The following PDZRN3 variants were observed in gnomAD, a reference collection of about 807,000 sequenced individuals.
The protein encoded by PDZRN3 is E3 ubiquitin-protein ligase PDZRN3.
Under a neutral mutation model 85.7 loss-of-function variants are expected in PDZRN3, and 38 were observed. The observed-to-expected ratio is 0.44, with a 90% confidence interval of 0.34 to 0.58. The LOEUF (loss-of-function observed/expected upper bound fraction) is 0.58, where lower values mean the gene tolerates loss of function less well. Among genes scored for constraint, PDZRN3 ranks in the 20% least tolerant of loss-of-function variants. PDZRN3 has a pLI of 0.01. For missense variants in PDZRN3, 1,629 were observed against 1,506.4 expected (o/e 1.08, Z -1.35); for synonymous variants, 759 against 638.0 (o/e 1.19, Z -2.86).
intron 3 of PDZRN3, among the ~76,000 whole-genome samples, chr3:73,424,433 C>T (rs984311635): frequency 7.0e-6 from 1 of 143,682 alleles, no homozygotes; most frequent in South Asian, 2.2e-4. Flanking sequence ...CCCAGCTACT[C>T]GGAAGGCTGA....
intron 3 of PDZRN3, among the ~76,000 whole-genome samples, chr3:73,549,080 C>A (rs1701493125): frequency 6.6e-6 from 1 of 152,236 alleles, no homozygotes; most frequent in Admixed American, 6.5e-5. Context: ...CTGAACACAA[C>A]TACAATCACT....
intron 3 of PDZRN3, among the ~76,000 whole-genome samples, chr3:73,453,408 AAAAAAAAAAAAAAAAC>A (rs1702909274): frequency 9.1e-6 from 1 of 109,474 alleles, no homozygotes; most frequent in Admixed American, 9.3e-5. Flanking sequence ...TCGTCTCAAA[AAAAAAAAAAAAAAAAC>A]AAAAAAAAAA....
intron 3 of PDZRN3, among the ~76,000 whole-genome samples, chr3:73,511,100 G>A (rs986037298): frequency 6.6e-6 from 1 of 152,142 alleles, no homozygotes; most frequent in Non-Finnish European, 1.5e-5. Flanking sequence ...GCGGCAAAAT[G>A]TTACCAGTGG....
At chr3:73,432,170 G>C (rs1336384032) in intron 3 of PDZRN3, among the ~76,000 whole-genome samples, 1 of 152,136 alleles carries the variant, frequency 6.6e-6, no homozygotes, top group Non-Finnish European at 1.5e-5. Context: ...CTTGTTTCCT[G>C]CCTGCGTGCT....
intron 3 of PDZRN3, among the ~76,000 whole-genome samples, chr3:73,412,793 T>G (rs1279758695): frequency 6.6e-6 from 1 of 152,260 alleles, no homozygotes. Context: ...GCATACCAAG[T>G]GCTCAGTGAA....
At chr3:73,539,548 C>T (rs1704866173) in intron 3 of PDZRN3, among the ~76,000 whole-genome samples, 1 of 152,084 alleles carries the variant, frequency 6.6e-6, no homozygotes, top group Non-Finnish European at 1.5e-5. Flanking sequence ...TTCTGATGCT[C>T]TGAGGCTGCT....
At chr3:73,417,368 T>C (rs191407861) in intron 3 of PDZRN3, among the ~76,000 whole-genome samples, 96 of 152,256 alleles carry the variant, frequency 6.3e-4, no homozygotes, top group African/African-American at 2.1e-3. Flanking sequence ...TTTCTTAGAG[T>C]GAGGAGCAGT....
intron 8 of PDZRN3, among the ~76,000 whole-genome samples, chr3:73,387,239 A>G (rs1345789650): frequency 6.6e-6 from 1 of 152,146 alleles, no homozygotes; most frequent in Non-Finnish European, 1.5e-5. Context: ...AAAACGGACT[A>G]ATACACATAC....
intron 3 of PDZRN3, among the ~76,000 whole-genome samples, chr3:73,592,960 C>T (rs928371024): frequency 5.9e-5 from 9 of 152,106 alleles, no homozygotes; most frequent in African/African-American, 2.2e-4. Context: ...GTTCCCCTAG[C>T]GCTCGCTCAT....
intron 3 of PDZRN3, among the ~76,000 whole-genome samples, chr3:73,551,926 G>A (rs189030848): frequency 7.2e-5 from 11 of 152,218 alleles, no homozygotes; most frequent in Admixed American, 5.9e-4. Flanking sequence ...CCTGAGGTCT[G>A]GAGAAGGTCA....
rs2106926493 is a variant in PDZRN3, at chr3:73,624,354, C to T, written c.472G>A (p.Gly158Ser). 1.5e-5 allele frequency: 19 copies of T among 1,301,362 alleles called. No individual in the cohort carries two copies. The highest frequency in any genetic ancestry group is 1.7e-5 in the Non-Finnish European group (18 of 1,031,888). 80.6% of individuals were successfully genotyped at this position (1,301,362 alleles called of 1,614,324 possible). Reference protein sequence around the residue: ...LPLTHGEQRAGGHCCARALRA... With the variant: ...LPLTHGEQRASGHCCARALRA... ...AGCGCTCGCGCGCAGCAGTGGCCGC[C>T]CGCGCGCTGCTCGCCGTGCGTCAAG... Residue 158 changes from glycine to serine, a missense_variant, in exon 1 of 10, where the codon GGC becomes AGC. Physicochemically the swap from Gly to Ser is moderately conservative, Grantham distance 56. Coordinates refer to ENST00000263666, the MANE Select transcript of PDZRN3 (RefSeq NM_015009.3).
chr3:73,576,961 C>A (rs1044553639), intron 3 of PDZRN3, among the ~76,000 whole-genome samples: 2 of 152,178 alleles, frequency 1.3e-5, no homozygotes, highest in Non-Finnish European at 2.9e-5. Context: ...TCTATTAGCA[C>A]TGATTACAGG....
intron 3 of PDZRN3, among the ~76,000 whole-genome samples, chr3:73,503,884 G>A (rs888306815): frequency 6.6e-5 from 10 of 152,276 alleles, no homozygotes; most frequent in African/African-American, 1.4e-4. Flanking sequence ...AAGCAAGAGT[G>A]GGGAGGGGGA....
intron 3 of PDZRN3, among the ~76,000 whole-genome samples, chr3:73,482,706 G>T (rs1575682992): frequency 6.6e-6 from 1 of 152,090 alleles, no homozygotes; most frequent in East Asian, 1.9e-4. Flanking sequence ...ATATCCTCAG[G>T]GCTGGTCTGG....
intron 3 of PDZRN3, among the ~76,000 whole-genome samples, chr3:73,419,046 G>A (rs1702147187): frequency 6.6e-6 from 1 of 152,170 alleles, no homozygotes; most frequent in Admixed American, 6.5e-5. Context: ...CAATTAGCGT[G>A]TGGACTAGAT....
At chr3:73,505,033 T>C (rs1704045909) in intron 3 of PDZRN3, among the ~76,000 whole-genome samples, 1 of 152,246 alleles carries the variant, frequency 6.6e-6, no homozygotes. Flanking sequence ...TCTTTGGAAA[T>C]GATATTCTAT....
At position 73,388,083 on chromosome 3, in the gene PDZRN3, A is replaced by AAACC; in HGVS notation, c.1417-15_1417-14insGGTT. On this transcript the variant is annotated splice_polypyrimidine_tract_variant and intron_variant, in intron 7 of 9. Transcript: ENST00000263666. ...TATCCCATTAATCTTTTAAAAAAAAAGGGGGGGTGGGGAGAGTGGGGAGAC... is the reference window on the plus strand; with the variant it reads ...TATCCCATTAATCTTTTAAAAAAAAAAACCGGGGGGGTGGGGAGAGTGGGGAGAC... 4.4e-6 allele frequency: 4 copies of AAACC among 908,146 alleles called. No individual in the cohort carries two copies. The highest frequency in any genetic ancestry group is 6.8e-6 in the Non-Finnish European group (4 of 588,912). The allele number at this position is 908,146 out of a possible 1,614,324, so 56.3% of individuals were successfully genotyped here.
intron 3 of PDZRN3, among the ~76,000 whole-genome samples, chr3:73,452,737 T>C (rs17011179): frequency 0.061 from 9,342 of 152,254 alleles, 369 homozygotes; most frequent in Middle Eastern, 0.13. Context: ...TGATGCTGTC[T>C]CTCAAACCAT....
At chr3:73,455,031 T>C (rs1702951292) in intron 3 of PDZRN3, among the ~76,000 whole-genome samples, 1 of 152,176 alleles carries the variant, frequency 6.6e-6, no homozygotes, top group South Asian at 2.1e-4. Context: ...TATTTGTTTA[T>C]GAGTACAATA....
Sources: gnomAD v4.1 joint callset for allele counts (sites outside exome capture counted in the v4.1 genomes callset) on GRCh38, gnomAD v4.1.1 for gene constraint, MANE v1.5 for transcripts, NCBI Gene and HGNC (gene_info 2026-07-23, HGNC 2026-07-21) for gene names.